ARMH3: variants seen among roughly 807,000 people sequenced by gnomAD.
ARMH3 encodes the protein armadillo-like helical domain-containing protein 3.
A neutral mutation model predicts 99.1 loss-of-function variants in ARMH3; 60 were observed. That is an observed-to-expected ratio of 0.61 (90% confidence interval 0.49 to 0.75). The LOEUF is 0.75. Among genes scored for constraint, ARMH3 ranks in the 30% least tolerant of loss-of-function variants. ARMH3 has a pLI of 0.00. For synonymous variants in ARMH3, 285 were observed against 292.8 expected, an observed-to-expected ratio of 0.97 and a Z score of 0.27; for missense variants, 679 against 843.1, an observed-to-expected ratio of 0.81 and a Z score of 2.41.
In ARMH3 at chr10:102,050,565, C is replaced by A. The variant is rs114264339; in HGVS notation, c.-12+5520G>T. ...CATAATATCAACACTCCCATTTTAT[C>A]CAAGAAAAGTCACCAAATGTGGTGG... On this transcript the variant is annotated intron_variant, in intron 1 of 25. Transcript: ENST00000370033. 9.3e-3 allele frequency among the ~76,000 whole-genome samples: 1,418 copies of A among 152,210 alleles called. 17 individuals carry two copies. The highest frequency in any genetic ancestry group is 0.032 in the African/African-American group (1,346 of 41,538).
intron 4 of ARMH3, among the ~76,000 whole-genome samples, chr10:102,032,445 G>C (rs577906444): frequency 1.3e-5 from 2 of 152,280 alleles, no homozygotes; most frequent in Non-Finnish European, 2.9e-5. Context: ...CTGTTGCCCA[G>C]GCTGGGGTGC....
intron 15 of ARMH3, among the ~76,000 whole-genome samples, chr10:101,997,166 G>A (rs973599683): frequency 3.3e-5 from 5 of 152,122 alleles, no homozygotes; most frequent in Non-Finnish European, 7.3e-5. Flanking sequence ...TCAGGAGGCT[G>A]AGGCAAGAGA....
intron 23 of ARMH3, among the ~76,000 whole-genome samples, chr10:101,905,063 T>C (rs946692605): frequency 6.6e-6 from 1 of 152,138 alleles, no homozygotes; most frequent in Non-Finnish European, 1.5e-5. Flanking sequence ...CCAGGAGCTA[T>C]TAAGACTATA....
chr10:102,018,202 C>T lies in ARMH3; in HGVS notation c.670-4178G>A, dbSNP rs188415245. ...AGCCCCCGGTCTTCCTTGAGTGGTCCCCTTCCTTTTCTGTGTATTCTGCCT... is the reference window on the plus strand; with the variant it reads ...AGCCCCCGGTCTTCCTTGAGTGGTCTCCTTCCTTTTCTGTGTATTCTGCCT... On this transcript the variant is annotated intron_variant, in intron 8 of 25. Transcript: ENST00000370033. Among the ~76,000 whole-genome samples the T allele has an allele frequency of 3.2e-4, 48 of 152,216 alleles. 1 individual carries two copies. In the East Asian group the frequency reaches 9.3e-3, roughly 29 times the overall value.
chr10:101,958,685 T>G (rs907090566), intron 20 of ARMH3, among the ~76,000 whole-genome samples: 1 of 152,058 alleles, frequency 6.6e-6, no homozygotes, highest in Non-Finnish European at 1.5e-5. Context: ...AAGAAAAGGC[T>G]TGACCTCTCT....
intron 24 of ARMH3, among the ~76,000 whole-genome samples, chr10:101,886,728 T>C (rs879356563): frequency 6.6e-6 from 1 of 152,142 alleles, no homozygotes; most frequent in African/African-American, 2.4e-5. Flanking sequence ...AAACAGAGGC[T>C]GGAATGTGTC....
At chr10:102,020,448 G>A (rs901903328) in intron 8 of ARMH3, among the ~76,000 whole-genome samples, 21 of 151,804 alleles carry the variant, frequency 1.4e-4, no homozygotes, top group Admixed American at 1.0e-3. Flanking sequence ...AGGCCGAGGC[G>A]GGTGGATCAC....
intron 22 of ARMH3, among the ~76,000 whole-genome samples, chr10:101,943,441 T>C (rs1290632564): frequency 1.3e-5 from 2 of 152,090 alleles, no homozygotes; most frequent in Non-Finnish European, 2.9e-5. Context: ...ATGGGACAAA[T>C]TAGCCTACAT....
chr10:102,005,380 C>CAA (rs11344018), intron 14 of ARMH3, among the ~76,000 whole-genome samples: 154 of 64,198 alleles, frequency 2.4e-3, no homozygotes, highest in Non-Finnish European at 2.9e-3. Context: ...GACTCTGTCT[C>CAA]AAAAAAAAAA....
chr10:101,918,204 C>A (rs11191149), intron 23 of ARMH3, among the ~76,000 whole-genome samples: 32,137 of 152,044 alleles, frequency 0.21, 4,066 homozygotes, highest in Non-Finnish European at 0.29. Flanking sequence ...CAGGTGTGCA[C>A]CACCACACCC....
At chr10:101,939,651 A>G (rs780627979) in intron 23 of ARMH3, among the ~76,000 whole-genome samples, 6 of 152,216 alleles carry the variant, frequency 3.9e-5, no homozygotes, top group Non-Finnish European at 7.3e-5. Flanking sequence ...AAAAATTCAC[A>G]GAACAGCCAG....
At chr10:101,908,622 T>A (rs1842734287) in intron 23 of ARMH3, among the ~76,000 whole-genome samples, 1 of 151,896 alleles carries the variant, frequency 6.6e-6, no homozygotes, top group African/African-American at 2.4e-5. Flanking sequence ...TCAGAACTGC[T>A]AATTAAAGTA....
intron 23 of ARMH3, among the ~76,000 whole-genome samples, chr10:101,923,908 C>T (rs1391326798): frequency 6.6e-6 from 1 of 152,112 alleles, no homozygotes; most frequent in East Asian, 1.9e-4. Flanking sequence ...TCATTCTTCA[C>T]AAAGAGCTTT....
At position 101,939,941 on chromosome 10, in the gene ARMH3, G is replaced by A; in HGVS notation, c.1706-3C>T. On this transcript the variant is annotated splice_region_variant and splice_polypyrimidine_tract_variant and intron_variant, in intron 22 of 25. Coordinates refer to ENST00000370033, the MANE Select transcript of ARMH3 (RefSeq NM_024541.3). Reference sequence around the variant, plus strand: ...TGCATTGGTAGAAAGCCTCAGGACTGCAAAGAAGGAAAGAACACAGATCTG... The same window carrying A: ...TGCATTGGTAGAAAGCCTCAGGACTACAAAGAAGGAAAGAACACAGATCTG... 6.2e-7 allele frequency: 1 copy of A among 1,612,968 alleles called. No individual in the cohort carries two copies. The highest frequency in any genetic ancestry group is 1.3e-5 in the African/African-American group (1 of 75,008).
intron 2 of ARMH3, among the ~76,000 whole-genome samples, chr10:102,033,830 T>C (rs1463978209): frequency 6.6e-6 from 1 of 152,224 alleles, no homozygotes; most frequent in Admixed American, 6.5e-5. Flanking sequence ...ACTGTGTGCA[T>C]GGATATATAT....
intron 23 of ARMH3, among the ~76,000 whole-genome samples, chr10:101,925,480 CAT>C (rs775113040): frequency 6.6e-6 from 1 of 152,206 alleles, no homozygotes; most frequent in African/African-American, 2.4e-5. Context: ...CAGTAGTACA[CAT>C]GTTACTCCTT....
intron 23 of ARMH3, chr10:101,913,357 CTCTCTTTTTT>C (rs1336362800): frequency 1.7e-5 from 2 of 117,818 alleles, no homozygotes; most frequent in African/African-American, 6.4e-5. Context: ...CTCTCTCTCT[CTCTCTTTTTT>C]TTTTTTTTTT....
At chr10:101,888,130 C>T (rs1364287833) in intron 24 of ARMH3, among the ~76,000 whole-genome samples, 3 of 151,166 alleles carry the variant, frequency 2.0e-5, no homozygotes, top group Non-Finnish European at 4.4e-5. Context: ...GAAAGTCACC[C>T]CTTCTCTTAC....
intron 20 of ARMH3, among the ~76,000 whole-genome samples, chr10:101,964,491 A>G (rs935943537): frequency 4.6e-5 from 7 of 152,266 alleles, no homozygotes; most frequent in African/African-American, 1.4e-4. Flanking sequence ...ATGTCCATCA[A>G]AAGATGAACG....
Sources: allele counts gnomAD v4.1 joint callset (sites outside exome capture counted in the v4.1 genomes callset), GRCh38; gene constraint gnomAD v4.1.1; transcripts MANE v1.5; gene names NCBI Gene and HGNC (gene_info 2026-07-23, HGNC 2026-07-21).